KALRN: variants seen among roughly 807,000 people sequenced by gnomAD.
The protein encoded by KALRN is kalirin RhoGEF kinase.
KALRN carries 70 observed loss-of-function variants against 353.7 expected under a neutral mutation model. That is an observed-to-expected ratio of 0.20 (90% CI 0.16 to 0.24). The LOEUF (loss-of-function observed/expected upper bound fraction) is 0.24. Ranked by LOEUF, KALRN falls within the 10% of genes least tolerant of loss-of-function variation. The probability of loss-of-function intolerance (pLI) is 1.00; values close to 1 mark genes in which losing one functional copy is unlikely to be tolerated. For missense variants in KALRN, 2,791 were observed against 3,756.7 expected (o/e 0.74, Z 6.72); for synonymous variants, 1,391 against 1,434.8 (o/e 0.97, Z 0.69).
At position 124,599,823 on chromosome 3, in the gene KALRN, T is replaced by A. The variant is rs551389011; in HGVS notation, c.5183-32597T>A. ...GTTCCCATTTCTTTGGGCTTTGGTT[T>A]AGAAATTCTACCCCTTTCCCAATTT... On this transcript the variant is annotated intron_variant, in intron 34 of 59. Coordinates refer to ENST00000682506, the MANE Select transcript of KALRN (RefSeq NM_001388419.1). Among the ~76,000 whole-genome samples the A allele has an allele frequency of 2.6e-5, 4 of 152,356 alleles. No homozygotes were observed. The South Asian group carries it at 8.3e-4, about 32-fold the overall frequency.
chr3:124,611,504 T>C (rs1171060607), intron 34 of KALRN, among the ~76,000 whole-genome samples: 1 of 152,222 alleles, frequency 6.6e-6, no homozygotes, highest in Non-Finnish European at 1.5e-5. Context: ...TCTCCCCATA[T>C]CTGTTACTCA....
intron 1 of KALRN, among the ~76,000 whole-genome samples, chr3:124,054,528 G>A (rs1397716170): frequency 6.6e-6 from 1 of 152,034 alleles, no homozygotes; most frequent in East Asian, 1.9e-4. Flanking sequence ...TGAAGCTATG[G>A]CAGACCCTCA....
intron 13 of KALRN, among the ~76,000 whole-genome samples, chr3:124,402,756 A>G (rs796759894): frequency 3.3e-5 from 5 of 152,266 alleles, no homozygotes; most frequent in African/African-American, 1.2e-4. Context: ...GCTCTTTGGG[A>G]GAGGTTTAGT....
intron 10 of KALRN, among the ~76,000 whole-genome samples, chr3:124,354,814 A>G (rs1301871229): frequency 6.6e-6 from 1 of 152,208 alleles, no homozygotes; most frequent in Non-Finnish European, 1.5e-5. Flanking sequence ...ACTTGTTCTA[A>G]TGGGAAGAGT....
chr3:124,046,874 C>T (rs954104601), intron 1 of KALRN, among the ~76,000 whole-genome samples: 4 of 144,002 alleles, frequency 2.8e-5, no homozygotes, highest in African/African-American at 1.0e-4. Flanking sequence ...GCAAATAATA[C>T]TTGCTCCATT....
At chr3:124,078,696 AC>A (rs2149305167) in intron 1 of KALRN, among the ~76,000 whole-genome samples, 1 of 152,302 alleles carries the variant, frequency 6.6e-6, no homozygotes, top group African/African-American at 2.4e-5. Flanking sequence ...TAGAACCTTG[AC>A]TCAGGTACAT....
At chr3:124,224,325 T>G (rs1277177728) in intron 1 of KALRN, among the ~76,000 whole-genome samples, 1 of 151,530 alleles carries the variant, frequency 6.6e-6, no homozygotes, top group Non-Finnish European at 1.5e-5. Flanking sequence ...GAAAAAGAAT[T>G]GTCTTGGACC....
intron 6 of KALRN, among the ~76,000 whole-genome samples, chr3:124,317,526 G>C (rs932521377): frequency 1.3e-5 from 2 of 151,806 alleles, no homozygotes; most frequent in African/African-American, 2.4e-5. Flanking sequence ...GTTCTTGTTC[G>C]GGGAAGCTCC....
intron 24 of KALRN, 56 bp downstream of exon 24, chr3:124,462,012 G>A: frequency 7.6e-7 from 1 of 1,309,360 alleles, no homozygotes; most frequent in Admixed American, 1.7e-5. Context: ...ATCCTTGCCA[G>A]CATCAAGTCC....
chr3:124,565,743 C>A (rs2109951029), intron 34 of KALRN, among the ~76,000 whole-genome samples: 1 of 152,304 alleles, frequency 6.6e-6, no homozygotes, highest in South Asian at 2.1e-4. Context: ...AATGTGCACT[C>A]CCTCCCTGCT....
At chr3:124,484,257 C>G (rs1033996492) in intron 28 of KALRN, among the ~76,000 whole-genome samples, 6 of 152,212 alleles carry the variant, frequency 3.9e-5, no homozygotes, top group African/African-American at 1.2e-4. Context: ...GGCGTGAGGG[C>G]AGCAGTGCAG....
At chr3:124,063,309 G>A (rs2149223877) in intron 1 of KALRN, among the ~76,000 whole-genome samples, 1 of 152,342 alleles carries the variant, frequency 6.6e-6, no homozygotes, top group South Asian at 2.1e-4. Flanking sequence ...AGGAAAAGAA[G>A]CAGAGAAGGG....
chr3:124,325,520 C>T (rs943666764), intron 6 of KALRN, among the ~76,000 whole-genome samples: 7 of 152,142 alleles, frequency 4.6e-5, no homozygotes. Flanking sequence ...ATGAGTACTT[C>T]TGCCCTGTTT....
intron 1 of KALRN, among the ~76,000 whole-genome samples, chr3:124,167,799 A>T (rs2071109774): frequency 6.6e-6 from 1 of 152,196 alleles, no homozygotes; most frequent in Non-Finnish European, 1.5e-5. Context: ...GTTAAAATAA[A>T]ATTAAAAATT....
intron 51 of KALRN, among the ~76,000 whole-genome samples, chr3:124,688,993 C>G (rs948101371): frequency 1.3e-5 from 2 of 152,190 alleles, no homozygotes; most frequent in African/African-American, 4.8e-5. Flanking sequence ...GGTTCTTGTT[C>G]TCGCCTGGGA....
intron 1 of KALRN, among the ~76,000 whole-genome samples, chr3:124,067,901 A>G (rs2042507309): frequency 6.6e-6 from 1 of 151,882 alleles, no homozygotes; most frequent in Non-Finnish European, 1.5e-5. Flanking sequence ...AGTTTGAGAG[A>G]CTCCTGACGT....
Position 124,721,403 on chromosome 3 carries a change from G to C in KALRN, c.*1933G>C, listed in dbSNP as rs968563174. On this transcript the variant is annotated 3_prime_UTR_variant, in exon 60 of 60. Coordinates refer to ENST00000682506, the MANE Select transcript of KALRN (RefSeq NM_001388419.1). ...AGCCTCACTCCCTCAGAGGTCTCTC[G>C]ACTAACCCCTATAGTCTTCATTTGG... is the stretch of plus-strand genomic sequence containing the variant. 2 of 152,048 alleles carry C rather than the reference G, an allele frequency of 1.3e-5. No homozygotes were observed. The highest frequency in any genetic ancestry group is 1.5e-5 in the Non-Finnish European group (1 of 68,016). 9.4% of individuals were successfully genotyped at this position (152,048 alleles called of 1,614,324 possible). A position where few individuals can be genotyped will look rare whatever the true frequency, so the allele number is the denominator to read the frequency against.
intron 1 of KALRN, among the ~76,000 whole-genome samples, chr3:124,170,032 T>C (rs2071510444): frequency 6.6e-6 from 1 of 152,204 alleles, no homozygotes; most frequent in Admixed American, 6.5e-5. Context: ...CAAGAGCATT[T>C]CAGAGTTCTT....
intron 5 of KALRN, among the ~76,000 whole-genome samples, chr3:124,289,168 A>G (rs1037716034): frequency 1.3e-5 from 2 of 152,110 alleles, no homozygotes; most frequent in Non-Finnish European, 2.9e-5. Flanking sequence ...TAAAGTCACT[A>G]ATTCCATCAT....
Sources: allele counts gnomAD v4.1 joint callset (sites outside exome capture counted in the v4.1 genomes callset), GRCh38; gene constraint gnomAD v4.1.1; transcripts MANE v1.5; gene names NCBI Gene and HGNC (gene_info 2026-07-23, HGNC 2026-07-21).